CRYL1: variants seen among roughly 807,000 people sequenced by gnomAD.
CRYL1 encodes the protein crystallin lambda 1, also known as lambda-crystallin homolog.
A neutral mutation model predicts 36.6 loss-of-function variants in CRYL1; 29 were observed. The observed-to-expected ratio is 0.79, with a 90% confidence interval of 0.59 to 1.08. The LOEUF (loss-of-function observed/expected upper bound fraction) is 1.08. CRYL1 is among the 50% of genes least tolerant of loss of function. The probability of loss-of-function intolerance (pLI) is 0.00; values close to 1 mark genes in which losing one functional copy is unlikely to be tolerated. For missense variants in CRYL1, 411 were observed against 407.9 expected (o/e 1.01, Z -0.06); for synonymous variants, 152 against 151.5 (o/e 1.00, Z -0.02).
intron 1 of CRYL1, among the ~76,000 whole-genome samples, chr13:20,514,054 T>C (rs778372806): frequency 5.3e-5 from 8 of 151,714 alleles, no homozygotes; most frequent in Non-Finnish European, 5.9e-5. Flanking sequence ...ATAACACAAA[T>C]AAATGCTTGA....
rs200295298 is a variant in CRYL1 at position 20,512,537 on chromosome 13, G to C, written c.55C>G (p.Arg19Gly). 39 of 1,613,236 alleles carry C rather than the reference G, an allele frequency of 2.4e-5. No individual in the cohort carries two copies. Among genetic ancestry groups the C allele is most frequent in the Non-Finnish European group, 3.0e-5 (35 of 1,179,344 alleles). Residue 19 changes from arginine (R) to glycine (G), a missense_variant, in exon 2 of 8, where the codon CGA (arginine) becomes GGA (glycine). By Grantham distance (125) the Arg-to-Gly change is moderately radical. Transcript: ENST00000298248. ...VVIVGSGVIG[R>G]SWAMLFASGG... ...CTGGCAAACAGCATGGCCCAGCTTC[G>C]CCCAATGACTCCACTGAAGGGAGAT...
chr13:20,420,701 T>TTTTTTTTTTTTTTTTTTTTTTTGTG lies in CRYL1; in HGVS notation c.634-7315_634-7314insCACAAAAAAAAAAAAAAAAAAAAAA. Reference sequence around the variant, plus strand: ...CTTTGACTTTTCTTTAAAATAGAGGTTGTGTGTGTGTGTGTGTGTGTGTGT... The same window carrying TTTTTTTTTTTTTTTTTTTTTTTGTG: ...CTTTGACTTTTCTTTAAAATAGAGGTTTTTTTTTTTTTTTTTTTTTTTGTGTGTGTGTGTGTGTGTGTGTGTGTGT... On this transcript the variant is annotated intron_variant, in intron 5 of 7. Coordinates refer to ENST00000298248, the MANE Select transcript of CRYL1 (RefSeq NM_015974.3). Among the ~76,000 whole-genome samples, 5 of 21,840 alleles carry TTTTTTTTTTTTTTTTTTTTTTTGTG rather than the reference T, an allele frequency of 2.3e-4. 1 individual carries two copies. The highest frequency in any genetic ancestry group is 4.1e-4 in the Non-Finnish European group (3 of 7,326). 14.3% of individuals were successfully genotyped at this position (21,840 alleles called of 152,430 possible).
chr13:20,477,753 T>C (rs2033193591), intron 3 of CRYL1, among the ~76,000 whole-genome samples: 1 of 146,278 alleles, frequency 6.8e-6, no homozygotes, highest in African/African-American at 2.5e-5. Context: ...TTATTTTGTA[T>C]ACTAGATAAT....
chr13:20,466,682 C>CTGTGTGTGTG (rs57209647), intron 3 of CRYL1, among the ~76,000 whole-genome samples: 13,209 of 129,460 alleles, frequency 0.1, 758 homozygotes, highest in Admixed American at 0.23. Flanking sequence ...TTGGAAAACT[C>CTGTGTGTGTG]TGTGTGTGTG....
In CRYL1 at chr13:20,427,101, A is replaced by G. The variant is rs559987959; in HGVS notation, c.633+5001T>C. ...CAACAAACTTAGCTACTGTCCAGCCAAAAGTCTATTGTCACAACACAATGT... is the reference window on the plus strand; with the variant it reads ...CAACAAACTTAGCTACTGTCCAGCCGAAAGTCTATTGTCACAACACAATGT... On this transcript the variant is annotated intron_variant, in intron 5 of 7. Transcript: ENST00000298248. The G allele has an allele frequency of 3.9e-5, 38 of 985,528 alleles. No individual in the cohort carries two copies. The African/African-American group carries it at 6.1e-4, about 16-fold the overall frequency. The allele number at this position is 985,528 out of a possible 1,614,324, so 61.0% of individuals were successfully genotyped here. A position where few individuals can be genotyped will look rare whatever the true frequency, so the allele number is the denominator to read the frequency against.
chr13:20,442,686 C>G (rs1297226538), intron 3 of CRYL1, among the ~76,000 whole-genome samples: 3 of 152,184 alleles, frequency 2.0e-5, no homozygotes, highest in Non-Finnish European at 4.4e-5. Context: ...ATGTGAAGCA[C>G]TAGCAAAAAT....
intron 3 of CRYL1, among the ~76,000 whole-genome samples, chr13:20,488,882 G>A (rs1227581550): frequency 2.0e-5 from 3 of 152,202 alleles, no homozygotes; most frequent in East Asian, 1.9e-4. Flanking sequence ...GGCTCATCCC[G>A]CTGTGCAAAC....
At chr13:20,426,645 A>C in intron 5 of CRYL1, 4 of 976,688 alleles carry the variant, frequency 4.1e-6, no homozygotes, top group Non-Finnish European at 4.9e-6. Flanking sequence ...TGGTATGTGC[A>C]TACAAATGAT....
chr13:20,454,381 A>G (rs946900249), intron 3 of CRYL1, among the ~76,000 whole-genome samples: 23 of 152,066 alleles, frequency 1.5e-4, no homozygotes, highest in Admixed American at 4.6e-4. Flanking sequence ...ATGTAAAAAA[A>G]AAAATCAGTT....
chr13:20,490,980 G>A (rs139039408), intron 2 of CRYL1, among the ~76,000 whole-genome samples: 3 of 152,014 alleles, frequency 2.0e-5, no homozygotes, highest in Admixed American at 6.6e-5. Flanking sequence ...ATCATGACTC[G>A]CCATAGCCTC....
intron 3 of CRYL1, among the ~76,000 whole-genome samples, chr13:20,475,609 C>T (rs2033150545): frequency 6.6e-6 from 1 of 152,030 alleles, no homozygotes; most frequent in African/African-American, 2.4e-5. Flanking sequence ...GGACCTGGTC[C>T]ATGGTAAGGG....
intron 6 of CRYL1, among the ~76,000 whole-genome samples, chr13:20,409,702 C>T (rs1395469924): frequency 6.6e-6 from 1 of 151,870 alleles, no homozygotes; most frequent in Non-Finnish European, 1.5e-5. Context: ...AGCAAACAAC[C>T]CCATCAAAAA....
intron 2 of CRYL1, among the ~76,000 whole-genome samples, chr13:20,507,868 A>G (rs1220191920): frequency 6.6e-6 from 1 of 151,760 alleles, no homozygotes; most frequent in Non-Finnish European, 1.5e-5. Context: ...CAGTGAGCCA[A>G]GATCGAGCCA....
intron 2 of CRYL1, among the ~76,000 whole-genome samples, chr13:20,506,981 T>G (rs2033805071): frequency 6.6e-6 from 1 of 152,140 alleles, no homozygotes; most frequent in Non-Finnish European, 1.5e-5. Context: ...CCCATGCTAT[T>G]CTCATAACAG....
intron 2 of CRYL1, among the ~76,000 whole-genome samples, chr13:20,507,184 C>A (rs2033808995): frequency 6.6e-6 from 1 of 152,176 alleles, no homozygotes; most frequent in South Asian, 2.1e-4. Flanking sequence ...TCTTTATTAG[C>A]AGCATGAAAA....
intron 2 of CRYL1, among the ~76,000 whole-genome samples, chr13:20,501,872 C>T (rs9509257): frequency 0.52 from 79,045 of 152,004 alleles, 21,162 homozygotes; most frequent in South Asian, 0.59. Flanking sequence ...TAACTCCAGA[C>T]GGGCAGGTTA....
At chr13:20,430,641 G>T (rs540898659) in intron 5 of CRYL1, 2 of 985,018 alleles carry the variant, frequency 2.0e-6, no homozygotes, top group East Asian at 1.1e-4. Context: ...CCTCCCACCC[G>T]ATCCCCTTAC....
At chr13:20,455,069 A>G (rs1016748935) in intron 3 of CRYL1, among the ~76,000 whole-genome samples, 1 of 152,258 alleles carries the variant, frequency 6.6e-6, no homozygotes, top group African/African-American at 2.4e-5. Flanking sequence ...AAGAAGTCCA[A>G]GGACTAGTGA....
chr13:20,404,718 A>T lies in CRYL1; in HGVS notation c.763T>A (p.Tyr255Asn). The change falls in exon 7 of 8, where the codon TAC becomes AAC. Residue 255 changes from tyrosine (Y) to asparagine (N), a missense_variant. Transcript: ENST00000298248. Reference protein sequence around the residue: ...AEGMLSYCDRYSEGIKHVLQT... With the variant: ...AEGMLSYCDRNSEGIKHVLQT... ...AGGACATGTTTTATGCCTTCGCTGT[A>T]TCTGTCGCAGTAGCTTAACATACCT... 1 of 1,613,484 alleles carries T rather than the reference A, an allele frequency of 6.2e-7. No homozygotes were observed. Among genetic ancestry groups the T allele is most frequent in the Non-Finnish European group, 8.5e-7 (1 of 1,179,384 alleles).
Sources: gnomAD v4.1 joint callset for allele counts (sites outside exome capture counted in the v4.1 genomes callset) on GRCh38, gnomAD v4.1.1 for gene constraint, MANE v1.5 for transcripts, NCBI Gene and HGNC (gene_info 2026-07-23, HGNC 2026-07-21) for gene names.